Variants in GPC5 observed in about 807,000 individuals in gnomAD.
GPC5 encodes glypican 5, also known as glypican-5.
Under a neutral mutation model 53.9 loss-of-function variants are expected in GPC5, and 47 were observed. That is an observed-to-expected ratio of 0.87 (90% CI 0.69 to 1.11). The LOEUF (loss-of-function observed/expected upper bound fraction) is 1.11, where lower values mean the gene tolerates loss of function less well. Ranked by LOEUF, GPC5 falls within the 50% of genes most tolerant of loss-of-function variation. The pLI, the probability that GPC5 is intolerant of heterozygous loss-of-function variation, is 0.00. For missense variants in GPC5, 748 were observed against 713.1 expected (o/e 1.05, Z -0.56); for synonymous variants, 286 against 263.3 (o/e 1.09, Z -0.84).
At chr13:92,396,659 C>G (rs1477196141) in intron 7 of GPC5, among the ~76,000 whole-genome samples, 2 of 152,196 alleles carry the variant, frequency 1.3e-5, no homozygotes, top group African/African-American at 2.4e-5. Context: ...CATGCATTAG[C>G]TGTTTATTCT....
intron 6 of GPC5, among the ~76,000 whole-genome samples, chr13:92,030,276 C>T (rs1326396563): frequency 1.3e-5 from 2 of 152,134 alleles, no homozygotes; most frequent in African/African-American, 4.8e-5. Context: ...CATGAATTTC[C>T]TGTTCCAATA....
intron 7 of GPC5, among the ~76,000 whole-genome samples, chr13:92,792,786 G>A (rs1876511744): frequency 6.6e-6 from 1 of 152,062 alleles, no homozygotes; most frequent in South Asian, 2.1e-4. Context: ...AAATGGCAAG[G>A]AAAGCCATTA....
At chr13:92,436,463 A>T (rs1254198895) in intron 7 of GPC5, among the ~76,000 whole-genome samples, 1 of 152,130 alleles carries the variant, frequency 6.6e-6, no homozygotes, top group Non-Finnish European at 1.5e-5. Flanking sequence ...TCATTTGCTT[A>T]CAATATGCAA....
At chr13:92,500,666 T>TAGC (rs1406263043) in intron 7 of GPC5, among the ~76,000 whole-genome samples, 1 of 152,138 alleles carries the variant, frequency 6.6e-6, no homozygotes, top group Non-Finnish European at 1.5e-5. Context: ...GTAGCAGTAG[T>TAGC]AGCAGCAGCA....
At chr13:92,434,949 C>A (rs1877242504) in intron 7 of GPC5, among the ~76,000 whole-genome samples, 1 of 152,162 alleles carries the variant, frequency 6.6e-6, no homozygotes, top group Non-Finnish European at 1.5e-5. Flanking sequence ...TAGTCTAGCT[C>A]TGTCACCCAG....
chr13:91,400,972 G>C (rs913134610), intron 1 of GPC5, among the ~76,000 whole-genome samples: 1 of 152,148 alleles, frequency 6.6e-6, no homozygotes, highest in African/African-American at 2.4e-5. Flanking sequence ...TCTTTTCTAA[G>C]TCACTCTGGA....
chr13:92,339,911 T>C (rs1429175306), intron 7 of GPC5: 1 of 152,162 alleles, frequency 6.6e-6, no homozygotes, highest in Non-Finnish European at 1.5e-5. Context: ...GTATTTATGA[T>C]GATAAATGCA....
chr13:92,522,888 G>T (rs1191002920), intron 7 of GPC5, among the ~76,000 whole-genome samples: 1 of 151,942 alleles, frequency 6.6e-6, no homozygotes, highest in African/African-American at 2.4e-5. Context: ...CAATAAAGAA[G>T]CATAACAGAG....
Position 92,203,790 on chromosome 13 carries a change from G to A in GPC5, c.1561+58801G>A, listed in dbSNP as rs76790029. On this transcript the variant is annotated intron_variant, in intron 7 of 7. Transcript: ENST00000377067. ...AAATCAGCAACAGAAGGAAAATCTCGATGACTCGCAGGCAGAATAAATAAA... is the reference window on the plus strand; with the variant it reads ...AAATCAGCAACAGAAGGAAAATCTCAATGACTCGCAGGCAGAATAAATAAA... 8.1e-3 allele frequency among the ~76,000 whole-genome samples: 1,189 copies of A among 146,146 alleles called. 23 individuals carry two copies. Among genetic ancestry groups the A allele is most frequent in the African/African-American group, 0.028 (1,114 of 40,106 alleles).
At chr13:92,794,358 A>C (rs1437891432) in intron 7 of GPC5, among the ~76,000 whole-genome samples, 1 of 152,178 alleles carries the variant, frequency 6.6e-6, no homozygotes, top group African/African-American at 2.4e-5. Context: ...AACTCTCAAT[A>C]AACTAGGTAT....
intron 2 of GPC5, among the ~76,000 whole-genome samples, chr13:91,562,219 A>T (rs2031306311): frequency 1.4e-5 from 2 of 146,528 alleles, no homozygotes; most frequent in African/African-American, 2.5e-5. Context: ...AAAAAAATAG[A>T]GAATTCACAA....
chr13:92,345,645 G>A (rs999957187), intron 7 of GPC5, among the ~76,000 whole-genome samples: 7 of 152,122 alleles, frequency 4.6e-5, no homozygotes, highest in Admixed American at 3.9e-4. Context: ...CTATGATGCT[G>A]TCCTTCATCC....
chr13:92,798,437 T>C (rs1448003761), intron 7 of GPC5, among the ~76,000 whole-genome samples: 6 of 151,892 alleles, frequency 4.0e-5, no homozygotes, highest in Admixed American at 3.9e-4. Context: ...TTATACTTTT[T>C]CCTTGCTGGA....
chr13:92,151,057 T>G (rs1360785705), intron 7 of GPC5, among the ~76,000 whole-genome samples: 1 of 152,070 alleles, frequency 6.6e-6, no homozygotes, highest in Non-Finnish European at 1.5e-5. Flanking sequence ...AATGGCGATA[T>G]TCTGTCTCGG....
intron 6 of GPC5, among the ~76,000 whole-genome samples, chr13:92,143,211 G>A (rs1256865105): frequency 2.0e-5 from 3 of 152,132 alleles, no homozygotes; most frequent in East Asian, 1.9e-4. Context: ...GATTCACATC[G>A]AAGTATGTTG....
At chr13:91,671,930 A>G (rs925097552) in intron 2 of GPC5, among the ~76,000 whole-genome samples, 1 of 152,154 alleles carries the variant, frequency 6.6e-6, no homozygotes, top group African/African-American at 2.4e-5. Context: ...GATCTCAGAG[A>G]TAACACCTCA....
chr13:92,011,525 T>G (rs1032308014), intron 6 of GPC5, among the ~76,000 whole-genome samples: 2 of 152,216 alleles, frequency 1.3e-5, no homozygotes, highest in African/African-American at 4.8e-5. Context: ...AAGCTTGTGA[T>G]TCATTAATAG....
At chr13:91,656,718 C>T (rs2034854109) in intron 2 of GPC5, among the ~76,000 whole-genome samples, 1 of 152,126 alleles carries the variant, frequency 6.6e-6, no homozygotes, top group Non-Finnish European at 1.5e-5. Context: ...TGGCCTAAAG[C>T]AAAATGAAAT....
At chr13:91,829,076 A>G (rs369318931) in intron 5 of GPC5, among the ~76,000 whole-genome samples, 15 of 152,068 alleles carry the variant, frequency 9.9e-5, no homozygotes, top group African/African-American at 2.7e-4. Context: ...ACTTTAATCA[A>G]ATTATTAAAG....
Sources: gnomAD v4.1 joint callset for allele counts (sites outside exome capture counted in the v4.1 genomes callset) on GRCh38, gnomAD v4.1.1 for gene constraint, MANE v1.5 for transcripts, NCBI Gene and HGNC (gene_info 2026-07-23, HGNC 2026-07-21) for gene names.